Variants in GLT1D1 observed in about 807,000 individuals in gnomAD.
GLT1D1 encodes glycosyltransferase 1 domain containing 1, also known as glycosyltransferase 1 domain-containing protein 1.
In GLT1D1, 21 loss-of-function variants were observed where a neutral mutation model predicts 28.7. The ratio of observed to expected loss-of-function variants is 0.73; its 90% confidence interval spans 0.52 to 1.05. GLT1D1 has a LOEUF of 1.05. GLT1D1 is among the 50% of genes least tolerant of loss of function. The pLI is 0.00. For missense variants in GLT1D1, 343 were observed against 330.6 expected, an observed-to-expected ratio of 1.04 and a Z score of -0.29; for synonymous variants, 147 against 124.8, an observed-to-expected ratio of 1.18 and a Z score of -1.19.
intron 7 of GLT1D1, among the ~76,000 whole-genome samples, chr12:128,962,138 C>T (rs1185061182): frequency 6.6e-6 from 1 of 152,122 alleles, no homozygotes; most frequent in Non-Finnish European, 1.5e-5. Flanking sequence ...GCCCCTGTCC[C>T]CCTCGGCCTC....
At chr12:128,891,869 C>T (rs1869096279) in intron 3 of GLT1D1, among the ~76,000 whole-genome samples, 1 of 152,190 alleles carries the variant, frequency 6.6e-6, no homozygotes, top group African/African-American at 2.4e-5. Flanking sequence ...AAGACACGCA[C>T]TCATGACCCA....
At chr12:128,905,379 A>C (rs1870748300) in intron 4 of GLT1D1, among the ~76,000 whole-genome samples, 1 of 152,348 alleles carries the variant, frequency 6.6e-6, no homozygotes, top group East Asian at 1.9e-4. Context: ...GCTCTGTTTC[A>C]GGATTTCTGA....
At chr12:128,885,688 C>T (rs932356926) in intron 2 of GLT1D1, among the ~76,000 whole-genome samples, 1 of 152,202 alleles carries the variant, frequency 6.6e-6, no homozygotes, top group Admixed American at 6.5e-5. Flanking sequence ...TTAGCTTTGA[C>T]ATATATGAGT....
intron 4 of GLT1D1, among the ~76,000 whole-genome samples, chr12:128,902,773 G>A (rs542864354): frequency 6.6e-6 from 1 of 151,610 alleles, no homozygotes; most frequent in Non-Finnish European, 1.5e-5. Flanking sequence ...GCCAGGCGCA[G>A]TGGCTCAACC....
intron 3 of GLT1D1, 39 bp downstream of exon 3, chr12:128,888,783 A>C: frequency 3.1e-6 from 4 of 1,296,148 alleles, no homozygotes; most frequent in Non-Finnish European, 4.5e-6. Context: ...CAAACATTTA[A>C]ACTGTGTGAA....
chr12:128,874,112 CTCTCTCTCTCTCTCTTTCTTTCTT>C (rs1311062938), intron 1 of GLT1D1, among the ~76,000 whole-genome samples: 7 of 57,808 alleles, frequency 1.2e-4, no homozygotes, highest in Admixed American at 1.1e-3. Context: ...CTCTCTCTCT[CTCTCTCTCTCTCTCTTTCTTTCTT>C]TCTTTCTTTC....
chr12:128,899,205 A>T, intron 3 of GLT1D1, 31 bp from the exon 4 acceptor site: 1 of 1,558,642 alleles, frequency 6.4e-7, no homozygotes. Flanking sequence ...TTCTGGCCTA[A>T]TTGTTTCTAT....
rs558479538 is a variant in GLT1D1 at position 128,894,169 on chromosome 12, A to C, written c.324-5067A>C. Among the ~76,000 whole-genome samples, 16 of 152,214 alleles carry C rather than the reference A, an allele frequency of 1.1e-4. No homozygotes were observed. In the South Asian group the frequency reaches 3.3e-3, roughly 32 times the overall value. ...AGCACTGTATGGTGCTTGGATTATG[A>C]AAGTGGGCCTTGGTGGGAAGTCCAG... On this transcript the variant is annotated intron_variant, in intron 3 of 7. Coordinates refer to ENST00000281703, the MANE Select transcript of GLT1D1 (RefSeq NM_144669.3).
At chr12:128,923,528 C>G (rs1872861076) in intron 4 of GLT1D1, among the ~76,000 whole-genome samples, 1 of 144,594 alleles carries the variant, frequency 6.9e-6, no homozygotes, top group Non-Finnish European at 1.5e-5. Flanking sequence ...TTTTTCTTTT[C>G]TTTTTTTTTT....
intron 4 of GLT1D1, among the ~76,000 whole-genome samples, chr12:128,913,713 A>T (rs1163544510): frequency 6.6e-6 from 1 of 152,214 alleles, no homozygotes; most frequent in Non-Finnish European, 1.5e-5. Context: ...TCCTGTCATC[A>T]CCGTGTCCTT....
chr12:128,936,874 C>T (rs1345020833), intron 4 of GLT1D1, among the ~76,000 whole-genome samples: 5 of 152,094 alleles, frequency 3.3e-5, no homozygotes, highest in Non-Finnish European at 7.4e-5. Context: ...ATAAAAATAT[C>T]CCCCCTTCTT....
chr12:128,869,237 A>T lies in GLT1D1; in HGVS notation c.69-6677A>T, dbSNP rs144512193. 3.0e-3 allele frequency among the ~76,000 whole-genome samples: 453 copies of T among 151,568 alleles called. 6 individuals are homozygous for T. The highest frequency in any genetic ancestry group is 0.011 in the African/African-American group (439 of 41,316). ...GCTGGAGTGCAGTGGCACCGTCTTG[A>T]CTCACTGCAGCCTTGTCTTCCAGGG... On this transcript the variant is annotated intron_variant, in intron 1 of 7. Transcript: ENST00000281703.
At chr12:128,864,883 G>A (rs544058782) in intron 1 of GLT1D1, among the ~76,000 whole-genome samples, 42 of 152,266 alleles carry the variant, frequency 2.8e-4, no homozygotes, top group Admixed American at 1.4e-3. Flanking sequence ...GGCACTTGAC[G>A]GTGTGCCTGT....
intron 4 of GLT1D1, among the ~76,000 whole-genome samples, chr12:128,902,736 G>GTTAAGACAGACA (rs1419427950): frequency 6.6e-6 from 1 of 151,416 alleles, no homozygotes; most frequent in Non-Finnish European, 1.5e-5. Context: ...AACTGTGTTG[G>GTTAAGACAGACA]TTAAGACAGA....
intron 6 of GLT1D1, among the ~76,000 whole-genome samples, chr12:128,950,925 C>A (rs1213968127): frequency 6.6e-6 from 1 of 152,042 alleles, no homozygotes; most frequent in Non-Finnish European, 1.5e-5. Context: ...ACCTGAACTT[C>A]CAATTAGGAG....
chr12:128,879,513 T>C (rs1956986922), intron 2 of GLT1D1, among the ~76,000 whole-genome samples: 1 of 150,788 alleles, frequency 6.6e-6, no homozygotes, highest in South Asian at 2.1e-4. Flanking sequence ...TGGAGTGCAG[T>C]GGCATGATCT....
At chr12:128,886,013 T>C (rs1334417753) in intron 2 of GLT1D1, among the ~76,000 whole-genome samples, 1 of 152,176 alleles carries the variant, frequency 6.6e-6, no homozygotes. Context: ...GGTGGGCCTT[T>C]CCTGTGCTGT....
chr12:128,908,516 T>C (rs1394164691), intron 4 of GLT1D1, among the ~76,000 whole-genome samples: 2 of 151,120 alleles, frequency 1.3e-5, no homozygotes, highest in African/African-American at 2.4e-5. Flanking sequence ...TCCTTCCTTC[T>C]TTCTTTCTTT....
intron 7 of GLT1D1, among the ~76,000 whole-genome samples, chr12:128,982,716 A>ATG (rs201919694): frequency 6.6e-6 from 1 of 151,540 alleles, no homozygotes; most frequent in African/African-American, 2.4e-5. Flanking sequence ...GTGTGCATGT[A>ATG]TGTGTGCGTG....
Sources: gnomAD v4.1 joint callset for allele counts (sites outside exome capture counted in the v4.1 genomes callset) on GRCh38, gnomAD v4.1.1 for gene constraint, MANE v1.5 for transcripts, NCBI Gene and HGNC (gene_info 2026-07-23, HGNC 2026-07-21) for gene names.